The following UNC80 variants were observed in gnomAD, a reference collection of about 807,000 sequenced individuals.
UNC80 encodes unc-80 subunit of NALCN channel complex.
Under a neutral mutation model 384.6 loss-of-function variants are expected in UNC80, and 164 were observed. The ratio of observed to expected loss-of-function variants is 0.43; its 90% CI spans 0.38 to 0.49. The LOEUF (loss-of-function observed/expected upper bound fraction) is 0.49. Ranked by LOEUF, UNC80 falls within the 20% of genes least tolerant of loss-of-function variation. The pLI is 0.00. For synonymous variants in UNC80, 1,486 were observed against 1,527.8 expected (o/e 0.97, Z 0.64); for missense variants, 3,330 against 4,143.0 (o/e 0.80, Z 5.39).
At chr2:209,983,487 T>TTA (rs2093208333) in intron 60 of UNC80, among the ~76,000 whole-genome samples, 1 of 152,110 alleles carries the variant, frequency 6.6e-6, no homozygotes, top group Non-Finnish European at 1.5e-5. Flanking sequence ...AAAGAAAGTC[T>TTA]TATACACAAA....
chr2:209,981,660 A>G (rs2093160631), intron 59 of UNC80, among the ~76,000 whole-genome samples: 1 of 152,236 alleles, frequency 6.6e-6, no homozygotes, highest in Admixed American at 6.5e-5. Flanking sequence ...TTAAATTTTA[A>G]AATTTCGGTT....
Position 209,819,260 on chromosome 2 carries a change from C to T in UNC80, c.1961C>T (p.Ser654Phe). The change falls in exon 12 of 65, where the codon TCT (serine) becomes TTT (phenylalanine). Residue 654 changes from serine to phenylalanine, a missense_variant and splice_region_variant. Physicochemically the swap from Ser to Phe is radical, Grantham distance 155. Around this residue, in one of 8 missense-constraint regions of UNC80, gnomAD observed 937 missense variants for 1,026.8 expected, o/e 0.91. Transcript: ENST00000673920. ...FVHKNGMLDLSVVLKAVYLVL... is the reference protein window; with the variant it reads ...FVHKNGMLDLFVVLKAVYLVL... The stretch of plus-strand genomic sequence containing the variant: ...CACAAGAATGGAATGCTTGATCTTT[C>T]TGTAAGAAGCAAGAATTTTTCTTAC... 2 of 1,541,990 alleles carry T rather than the reference C, an allele frequency of 1.3e-6. No homozygotes were observed. The highest frequency in any genetic ancestry group is 2.5e-5 in the East Asian group (1 of 40,744).
At chr2:209,882,756 G>T (rs1304331168) in intron 25 of UNC80, among the ~76,000 whole-genome samples, 1 of 152,022 alleles carries the variant, frequency 6.6e-6, no homozygotes, top group Non-Finnish European at 1.5e-5. Context: ...CTACTTTTAA[G>T]TTTTCAGATT....
At chr2:209,950,716 AC>A (rs1319928345) in intron 47 of UNC80, among the ~76,000 whole-genome samples, 3 of 151,730 alleles carry the variant, frequency 2.0e-5, no homozygotes, top group Admixed American at 6.6e-5. Context: ...GTGCCACCAC[AC>A]CTGGCTAATT....
chr2:209,788,681 T>C lies in UNC80; in HGVS notation c.725-851T>C, dbSNP rs193265098. On this transcript the variant is annotated intron_variant, in intron 5 of 64. Coordinates refer to ENST00000673920, the MANE Select transcript of UNC80 (RefSeq NM_001371986.1). ...ATAAAGTTATAAAGAAATCACATAT[T>C]TTTGTGCAGCTGTATTATGTATTTG... Among the ~76,000 whole-genome samples, 601 of 150,246 alleles carry C rather than the reference T, an allele frequency of 4.0e-3. 4 individuals carry two copies. Among genetic ancestry groups the C allele is most frequent in the African/African-American group, 0.014 (564 of 41,308 alleles).
chr2:209,963,229 GTC>G (rs1382906851), intron 51 of UNC80, among the ~76,000 whole-genome samples: 1 of 152,054 alleles, frequency 6.6e-6, no homozygotes, highest in African/African-American at 2.4e-5. Flanking sequence ...TTCTCTGTCT[GTC>G]TCTCTCTCGT....
At chr2:209,932,659 C>G (rs2090969526) in intron 38 of UNC80, among the ~76,000 whole-genome samples, 1 of 152,332 alleles carries the variant, frequency 6.6e-6, no homozygotes, top group Admixed American at 6.5e-5. Flanking sequence ...CTCAACTTAA[C>G]AGATATGCAC....
chr2:209,822,468 A>T (rs532072041), intron 13 of UNC80, among the ~76,000 whole-genome samples: 14 of 152,304 alleles, frequency 9.2e-5, no homozygotes, highest in African/African-American at 3.1e-4. Context: ...ATTCTTACTG[A>T]ATTTCCATTT....
At chr2:209,937,042 T>C (rs897685153) in intron 41 of UNC80, 109 bp downstream of exon 41, 45 of 702,874 alleles carry the variant, frequency 6.4e-5, no homozygotes, top group Non-Finnish European at 1.0e-4. Context: ...GGTAATAGTA[T>C]GGCCACCTGG....
intron 7 of UNC80, chr2:209,809,191 T>C (rs1400401589): frequency 6.1e-6 from 4 of 657,600 alleles, no homozygotes; most frequent in Non-Finnish European, 1.1e-5. Flanking sequence ...GGGCCAAGTG[T>C]GCAAGCAGCT....
chr2:209,902,839 A>G (rs1383401500), intron 28 of UNC80, among the ~76,000 whole-genome samples: 1 of 152,006 alleles, frequency 6.6e-6, no homozygotes, highest in Non-Finnish European at 1.5e-5. Flanking sequence ...CTTAAATGCA[A>G]CATTTGCTTT....
chr2:209,959,784 A>AG, intron 51 of UNC80, 77 bp downstream of exon 51: 3 of 1,349,660 alleles, frequency 2.2e-6, no homozygotes, highest in Non-Finnish European at 3.0e-6. Context: ...TTGGGTTGAG[A>AG]GTGGGGGTTC....
At chr2:209,825,836 A>G (rs1185640204) in intron 13 of UNC80, 71 bp from the exon 14 acceptor site, 1 of 1,338,422 alleles carries the variant, frequency 7.5e-7, no homozygotes, top group African/African-American at 1.5e-5. Context: ...ATCATACAAT[A>G]GAATCTTAGC....
chr2:209,874,264 C>G (rs922279304), intron 23 of UNC80, among the ~76,000 whole-genome samples: 4 of 152,104 alleles, frequency 2.6e-5, no homozygotes, highest in Non-Finnish European at 5.9e-5. Context: ...TACATAGAGG[C>G]ACCAGTAATC....
intron 27 of UNC80, among the ~76,000 whole-genome samples, chr2:209,895,278 T>G (rs1276762165): frequency 6.6e-6 from 1 of 152,228 alleles, no homozygotes; most frequent in Non-Finnish European, 1.5e-5. Flanking sequence ...AGTCTCTGTA[T>G]GCAAGGCAAA....
chr2:209,921,658 C>T lies in UNC80; in HGVS notation c.5502C>T (p.Cys1834=), dbSNP rs2090047561. ...AGGAGGCTTGCTATGAGCCCACATG[C>T]ACGCCCAACTCAGAACCGGAAGAAG... ...ITQEACYEPT[C]TPNSEPEEEV... Residue 1834 remains cysteine (C), a synonymous_variant, in exon 34 of 65, where the codon TGC becomes TGT. Transcript: ENST00000673920. 6.4e-7 allele frequency: 1 copy of T among 1,551,412 alleles called. No individual in the cohort carries two copies. Among genetic ancestry groups the T allele is most frequent in the Non-Finnish European group, 8.7e-7 (1 of 1,146,874 alleles).
chr2:209,913,614 T>C (rs1055613312), intron 30 of UNC80, among the ~76,000 whole-genome samples, 188 bp from the exon 31 acceptor site: 2 of 152,186 alleles, frequency 1.3e-5, no homozygotes, highest in African/African-American at 4.8e-5. Context: ...TTTCTAATTA[T>C]GCTTCAGTTA....
intron 13 of UNC80, among the ~76,000 whole-genome samples, chr2:209,823,962 G>A (rs1436628698): frequency 1.3e-5 from 2 of 152,106 alleles, no homozygotes. Flanking sequence ...CTGACCTCAT[G>A]TGACAAGTCA....
At chr2:209,797,606 C>T (rs754235651) in intron 7 of UNC80, among the ~76,000 whole-genome samples, 1 of 152,150 alleles carries the variant, frequency 6.6e-6, no homozygotes, top group Non-Finnish European at 1.5e-5. Context: ...CGTGTCTTTG[C>T]TATTGTAAAT....
Sources: gnomAD v4.1 joint callset for allele counts (sites outside exome capture counted in the v4.1 genomes callset) on GRCh38, gnomAD v4.1.1 for gene constraint, gnomAD v4.1.1 regional missense constraint, MANE v1.5 for transcripts, NCBI Gene and HGNC (gene_info 2026-07-23, HGNC 2026-07-21) for gene names.